The following PLCB4 variants were observed in gnomAD, a reference collection of about 807,000 sequenced individuals.
PLCB4 encodes phospholipase C beta 4, also known as 1-phosphatidylinositol 4,5-bisphosphate phosphodiesterase beta-4.
A neutral mutation model predicts 178.8 loss-of-function variants in PLCB4; 77 were observed. That is an observed-to-expected ratio of 0.43 (90% CI 0.36 to 0.52). The LOEUF is 0.52. Among genes scored for constraint, PLCB4 ranks in the 20% least tolerant of loss-of-function variants. The pLI is 0.00. For missense variants in PLCB4, 1,024 were observed against 1,453.4 expected (o/e 0.70, Z 4.80); for synonymous variants, 496 against 490.8 (o/e 1.01, Z -0.14).
At chr20:9,278,423 T>C (rs1358317964) in intron 3 of PLCB4, among the ~76,000 whole-genome samples, 2 of 152,064 alleles carry the variant, frequency 1.3e-5, no homozygotes, top group African/African-American at 4.8e-5. Flanking sequence ...CCAGGAACTG[T>C]GTTAATCTAC....
chr20:9,185,642 G>A (rs1438714559), intron 2 of PLCB4, among the ~76,000 whole-genome samples: 2 of 152,108 alleles, frequency 1.3e-5, no homozygotes, highest in Non-Finnish European at 2.9e-5. Context: ...CCCTCCAAGG[G>A]GTCCTCATCT....
intron 2 of PLCB4, among the ~76,000 whole-genome samples, chr20:9,188,257 AG>A (rs2147123831): frequency 6.6e-6 from 1 of 152,350 alleles, no homozygotes; most frequent in Non-Finnish European, 1.5e-5. Context: ...GGTGATTGGC[AG>A]GGGCCTGAAG....
intron 2 of PLCB4, among the ~76,000 whole-genome samples, chr20:9,132,515 A>G (rs556527063): frequency 1.7e-4 from 26 of 152,322 alleles, no homozygotes; most frequent in Non-Finnish European, 2.9e-4. Context: ...GGAAGTTTTC[A>G]TATTGTAAAG....
chr20:9,244,757 A>T (rs1468864798), intron 3 of PLCB4, among the ~76,000 whole-genome samples: 2 of 152,252 alleles, frequency 1.3e-5, no homozygotes, highest in Non-Finnish European at 2.9e-5. Context: ...ATTTGCAATA[A>T]ATAGTAGGCA....
chr20:9,211,388 A>G (rs543352854), intron 2 of PLCB4, among the ~76,000 whole-genome samples: 1 of 152,354 alleles, frequency 6.6e-6, no homozygotes, highest in South Asian at 2.1e-4. Flanking sequence ...CATTGGAACC[A>G]GTCATGTCAG....
intron 2 of PLCB4, among the ~76,000 whole-genome samples, chr20:9,205,077 A>G (rs187424256): frequency 2.0e-5 from 3 of 152,330 alleles, no homozygotes; most frequent in African/African-American, 7.2e-5. Context: ...ATGGTAACAC[A>G]TCCTTTAGAA....
chr20:9,389,591 C>T (rs936009446), intron 15 of PLCB4, among the ~76,000 whole-genome samples: 30 of 152,216 alleles, frequency 2.0e-4, no homozygotes, highest in Non-Finnish European at 4.0e-4. Context: ...GGCAGATTAA[C>T]AAGCCACAGA....
chr20:9,477,178 A>C (rs1028555518), intron 39 of PLCB4, among the ~76,000 whole-genome samples: 1 of 152,194 alleles, frequency 6.6e-6, no homozygotes, highest in Non-Finnish European at 1.5e-5. Flanking sequence ...TGTGCTGTGC[A>C]TGTAGAAACC....
intron 4 of PLCB4, among the ~76,000 whole-genome samples, chr20:9,330,377 A>G (rs1601884280): frequency 1.3e-5 from 2 of 151,550 alleles, no homozygotes; most frequent in South Asian, 4.2e-4. Flanking sequence ...CTCCATTCTT[A>G]TCAAACCAGG....
chr20:9,347,125 GAA>G (rs1400490059), intron 7 of PLCB4, among the ~76,000 whole-genome samples: 1 of 152,162 alleles, frequency 6.6e-6, no homozygotes, highest in Non-Finnish European at 1.5e-5. Context: ...GGGAGCCAGG[GAA>G]ATGATGTGAA....
intron 2 of PLCB4, among the ~76,000 whole-genome samples, chr20:9,139,128 A>G (rs149041651): frequency 3.9e-5 from 6 of 152,280 alleles, no homozygotes; most frequent in Non-Finnish European, 8.8e-5. Context: ...ACTCCCTGTC[A>G]TGCAGAGAAT....
At chr20:9,263,892 T>A (rs1026317653) in intron 3 of PLCB4, among the ~76,000 whole-genome samples, 1 of 152,196 alleles carries the variant, frequency 6.6e-6, no homozygotes, top group African/African-American at 2.4e-5. Flanking sequence ...TAAAATCATG[T>A]CCAAAAGGCA....
chr20:9,303,489 T>A (rs2094728972), intron 3 of PLCB4, among the ~76,000 whole-genome samples: 1 of 152,200 alleles, frequency 6.6e-6, no homozygotes, highest in African/African-American at 2.4e-5. Flanking sequence ...TCCAGTTCCA[T>A]CCATGTTGTC....
At chr20:9,323,380 T>G (rs1417438571) in intron 4 of PLCB4, among the ~76,000 whole-genome samples, 2 of 152,250 alleles carry the variant, frequency 1.3e-5, no homozygotes, top group Non-Finnish European at 2.9e-5. Flanking sequence ...CTCTTTTTTG[T>G]TCATTGCTGA....
At chr20:9,408,992 C>A in intron 23 of PLCB4, 65 bp from the exon 24 acceptor site, 1 of 1,468,754 alleles carries the variant, frequency 6.8e-7, no homozygotes, top group Admixed American at 2.0e-5. Context: ...GTTGTTTTAG[C>A]TCTTTGTTGT....
rs552935421 is a variant in PLCB4 at position 9,374,182 on chromosome 20, A to G, written c.744+1078A>G. On this transcript the variant is annotated intron_variant, in intron 12 of 39. Coordinates refer to ENST00000378473, the MANE Select transcript of PLCB4 (RefSeq NM_001377142.1). ...TCGCACTTTAGAAACTATGTTAACT[A>G]AAGTGTAAATGCACTGATGCAAGAA... Among the ~76,000 whole-genome samples, 5 of 152,312 alleles carry G rather than the reference A, an allele frequency of 3.3e-5. No individual in the cohort carries two copies. In the South Asian group the frequency reaches 1.0e-3, roughly 32 times the overall value.
chr20:9,403,227 G>A (rs538018412), intron 20 of PLCB4, among the ~76,000 whole-genome samples: 1 of 152,294 alleles, frequency 6.6e-6, no homozygotes, highest in South Asian at 2.1e-4. Context: ...GGTTGAGCTA[G>A]AGATACAAGT....
At chr20:9,314,400 T>C (rs976574602) in intron 4 of PLCB4, among the ~76,000 whole-genome samples, 1 of 152,050 alleles carries the variant, frequency 6.6e-6, no homozygotes, top group African/African-American at 2.4e-5. Context: ...CGGGAGGATT[T>C]TGAGTGTAGG....
intron 2 of PLCB4, among the ~76,000 whole-genome samples, chr20:9,164,396 C>T (rs531256124): frequency 1.3e-5 from 2 of 152,082 alleles, no homozygotes; most frequent in South Asian, 2.1e-4. Context: ...GAAACTGGGG[C>T]TCAGGGAAAT....
Sources: gnomAD v4.1 joint callset for allele counts (sites outside exome capture counted in the v4.1 genomes callset) on GRCh38, gnomAD v4.1.1 for gene constraint, MANE v1.5 for transcripts, NCBI Gene and HGNC (gene_info 2026-07-23, HGNC 2026-07-21) for gene names.